Variants in SLC9A8 observed in about 807,000 individuals in gnomAD.
The protein encoded by SLC9A8 is sodium/hydrogen exchanger 8.
In SLC9A8, 48 loss-of-function variants were observed where a neutral mutation model predicts 66.6. The ratio of observed to expected loss-of-function variants is 0.72; its 90% CI spans 0.57 to 0.92. The LOEUF (loss-of-function observed/expected upper bound fraction) is 0.92. Among genes scored for constraint, SLC9A8 ranks in the 40% least tolerant of loss-of-function variants. The pLI, the probability that SLC9A8 is intolerant of heterozygous loss-of-function variation, is 0.00. For synonymous variants in SLC9A8, 274 were observed against 282.6 expected (o/e 0.97, Z 0.31); for missense variants, 599 against 747.3 (o/e 0.80, Z 2.31).
chr20:49,884,293 C>CACACACACACACACACACGACACACG, intron 14 of SLC9A8: 1 of 282,760 alleles, frequency 3.5e-6, no homozygotes, highest in East Asian at 1.1e-4. Context: ...ACACACGACA[C>CACACACACACACACACACGACACACG]ACACACACAC....
At chr20:49,814,282 C>T (rs1191651102) in intron 1 of SLC9A8, among the ~76,000 whole-genome samples, 3 of 152,096 alleles carry the variant, frequency 2.0e-5, no homozygotes, top group Non-Finnish European at 2.9e-5. Context: ...GAGTAAAAAA[C>T]GGAAAGTAAT....
intron 3 of SLC9A8, among the ~76,000 whole-genome samples, chr20:49,825,650 A>G (rs1416854966): frequency 6.6e-6 from 1 of 152,032 alleles, no homozygotes. Context: ...CTCAAAACAA[A>G]CAAACAAAAA....
chr20:49,854,798 G>C (rs117415267), intron 7 of SLC9A8, among the ~76,000 whole-genome samples: 1 of 152,166 alleles, frequency 6.6e-6, no homozygotes, highest in South Asian at 2.1e-4. Flanking sequence ...GAAGTGCTTA[G>C]AACAGTGCCG....
chr20:49,813,157 A>C (rs1423306080), intron 1 of SLC9A8, among the ~76,000 whole-genome samples: 1 of 152,226 alleles, frequency 6.6e-6, no homozygotes, highest in Non-Finnish European at 1.5e-5. Context: ...CGGTCCCTCG[A>C]GCTGGGAATC....
At chr20:49,861,221 CTG>C (rs1458567818) in intron 8 of SLC9A8, among the ~76,000 whole-genome samples, 3 of 152,054 alleles carry the variant, frequency 2.0e-5, no homozygotes, top group African/African-American at 4.8e-5. Flanking sequence ...CGTCGGGAAA[CTG>C]TGAGTTCTGA....
intron 3 of SLC9A8, among the ~76,000 whole-genome samples, chr20:49,825,714 A>G (rs960759194): frequency 6.6e-6 from 1 of 152,176 alleles, no homozygotes; most frequent in African/African-American, 2.4e-5. Context: ...TGGCAAAACT[A>G]CAGGTAGTAT....
At chr20:49,869,763 G>A (rs1267708804) in intron 10 of SLC9A8, among the ~76,000 whole-genome samples, 2 of 151,954 alleles carry the variant, frequency 1.3e-5, no homozygotes, top group African/African-American at 4.8e-5. Flanking sequence ...AACCAGGGAA[G>A]CAGAGGTTGC....
At chr20:49,858,974 GA>G (rs1315625416) in intron 8 of SLC9A8, among the ~76,000 whole-genome samples, 3 of 146,002 alleles carry the variant, frequency 2.1e-5, no homozygotes, top group African/African-American at 8.0e-5. Flanking sequence ...AAAAAAGAAA[GA>G]AAAGAAACCA....
chr20:49,887,287 G>C (rs149697412), intron 15 of SLC9A8, among the ~76,000 whole-genome samples: 1 of 152,134 alleles, frequency 6.6e-6, no homozygotes, highest in Non-Finnish European at 1.5e-5. Context: ...CCTCTCTTTA[G>C]TTGGAGGCCT....
At chr20:49,876,005 C>G (rs1458156500) in intron 11 of SLC9A8, among the ~76,000 whole-genome samples, 1 of 152,154 alleles carries the variant, frequency 6.6e-6, no homozygotes, top group Non-Finnish European at 1.5e-5. Flanking sequence ...TCCCAAAGTG[C>G]TGGGATTACA....
At chr20:49,818,527 GT>G (rs2086634532) in intron 2 of SLC9A8, among the ~76,000 whole-genome samples, 1 of 98,396 alleles carries the variant, frequency 1.0e-5, no homozygotes, top group Admixed American at 1.4e-4. Context: ...ATCTTGTTCT[GT>G]TGCCCAGGCT....
Position 49,844,619 on chromosome 20 carries a change from T to TA in SLC9A8, c.349-386dup, listed in dbSNP as rs35043669. On this transcript the variant is annotated intron_variant, in intron 4 of 15. Coordinates refer to ENST00000361573, the MANE Select transcript of SLC9A8 (RefSeq NM_015266.3). ...GGCAACATAGCGGGACCCTGTATCT[T>TA]AAAAAAAAAAAAAAAAAAAAAAAAA... Among the ~76,000 whole-genome samples, 170 of 106,028 alleles carry TA rather than the reference T, an allele frequency of 1.6e-3. 3 individuals are homozygous for TA. Among genetic ancestry groups the TA allele is most frequent in the South Asian group, 4.1e-3 (9 of 2,194 alleles). 69.6% of individuals were successfully genotyped at this position (106,028 alleles called of 152,430 possible).
chr20:49,829,545 G>A (rs923994943), intron 3 of SLC9A8: 13 of 293,338 alleles, frequency 4.4e-5, no homozygotes, highest in African/African-American at 2.8e-4. Flanking sequence ...GAACCTCATG[G>A]AAAGAAATGC....
chr20:49,830,569 G>A (rs1404409522), intron 3 of SLC9A8: 9 of 611,444 alleles, frequency 1.5e-5, no homozygotes, highest in Admixed American at 2.9e-5. Context: ...TCGGGGGGTC[G>A]CTTTCCAGAA....
chr20:49,843,421 T>C (rs537076966), intron 4 of SLC9A8, among the ~76,000 whole-genome samples: 1 of 152,344 alleles, frequency 6.6e-6, no homozygotes, highest in East Asian at 1.9e-4. Flanking sequence ...TTTTTGACTT[T>C]CTTTTAGTCT....
intron 4 of SLC9A8, among the ~76,000 whole-genome samples, chr20:49,843,566 T>A (rs1331407855): frequency 1.3e-5 from 2 of 152,214 alleles, no homozygotes; most frequent in African/African-American, 4.8e-5. Context: ...TTTGCATTTT[T>A]AAATAGACTG....
intron 10 of SLC9A8, among the ~76,000 whole-genome samples, chr20:49,867,610 C>T (rs191921151): frequency 5.6e-4 from 86 of 152,292 alleles, no homozygotes; most frequent in African/African-American, 1.9e-3. Flanking sequence ...GCAGCTTCCC[C>T]GACTCAACAG....
intron 11 of SLC9A8, among the ~76,000 whole-genome samples, chr20:49,876,754 G>A (rs633829): frequency 0.33 from 49,935 of 151,986 alleles, 9,513 homozygotes; most frequent in South Asian, 0.57. Context: ...AATGGATACC[G>A]TGATGTATCC....
At chr20:49,822,699 A>G (rs2086784168) in intron 2 of SLC9A8, among the ~76,000 whole-genome samples, 1 of 152,182 alleles carries the variant, frequency 6.6e-6, no homozygotes, top group Non-Finnish European at 1.5e-5. Flanking sequence ...AGATGGGAGA[A>G]TCACCTGAGC....
Sources: allele counts gnomAD v4.1 joint callset (sites outside exome capture counted in the v4.1 genomes callset), GRCh38; gene constraint gnomAD v4.1.1; transcripts MANE v1.5; gene names NCBI Gene and HGNC (gene_info 2026-07-23, HGNC 2026-07-21).